Variants in CDH12 observed in about 807,000 individuals in gnomAD.
CDH12 encodes the protein cadherin 12.
CDH12 carries 41 observed loss-of-function variants against 74.1 expected under a neutral mutation model. The ratio of observed to expected loss-of-function variants is 0.55; its 90% confidence interval spans 0.43 to 0.72. The LOEUF (loss-of-function observed/expected upper bound fraction) is 0.72, where lower values mean the gene tolerates loss of function less well. Among genes scored for constraint, CDH12 ranks in the 30% least tolerant of loss-of-function variants. CDH12 has a pLI of 0.00. For synonymous variants in CDH12, 399 were observed against 355.0 expected, an observed-to-expected ratio of 1.12 and a Z score of -1.39; for missense variants, 945 against 977.2, an observed-to-expected ratio of 0.97 and a Z score of 0.44.
At chr5:21,941,231 A>T (rs1755316266) in intron 6 of CDH12, among the ~76,000 whole-genome samples, 1 of 152,192 alleles carries the variant, frequency 6.6e-6, no homozygotes, top group East Asian at 1.9e-4. Flanking sequence ...AAGCTTTAGG[A>T]TAGCAACATC....
rs373208730 is a variant in CDH12 at position 22,739,242 on chromosome 5, A to G, written c.-523+113816T>C. On this transcript the variant is annotated intron_variant, in intron 1 of 14. Transcript: ENST00000382254. ...AAAAGGAAAGAAATCATGAAAATGAATGTATTAGGGCCTATCTAATTTTGT... is the reference window on the plus strand; with the variant it reads ...AAAAGGAAAGAAATCATGAAAATGAGTGTATTAGGGCCTATCTAATTTTGT... Among the ~76,000 whole-genome samples the G allele has an allele frequency of 1.3e-4, 20 of 152,146 alleles. No individual in the cohort carries two copies. In the East Asian group the frequency reaches 3.9e-3, roughly 29 times the overall value.
chr5:22,718,544 T>A (rs1365305981), intron 1 of CDH12, among the ~76,000 whole-genome samples: 2 of 152,148 alleles, frequency 1.3e-5, no homozygotes, highest in Non-Finnish European at 2.9e-5. Context: ...CTGGGTAAGA[T>A]CCTTACTGAG....
intron 1 of CDH12, among the ~76,000 whole-genome samples, chr5:22,576,794 A>C (rs1739812662): frequency 6.6e-6 from 1 of 152,146 alleles, no homozygotes; most frequent in Non-Finnish European, 1.5e-5. Context: ...AGATACTGGA[A>C]GTGAGAATTG....
chr5:22,015,120 T>C (rs867538362), intron 5 of CDH12, among the ~76,000 whole-genome samples: 21 of 152,284 alleles, frequency 1.4e-4, no homozygotes, highest in Middle Eastern at 3.4e-3. Flanking sequence ...ACCATAATTG[T>C]GAAGCAATCA....
intron 10 of CDH12, among the ~76,000 whole-genome samples, chr5:21,785,404 T>C (rs1342589199): frequency 2.6e-5 from 4 of 152,156 alleles, no homozygotes; most frequent in Admixed American, 6.5e-5. Context: ...AAGCTGGAAA[T>C]GATTAAGCTC....
chr5:22,538,440 C>A (rs147127837), intron 1 of CDH12, among the ~76,000 whole-genome samples: 41 of 152,298 alleles, frequency 2.7e-4, no homozygotes, highest in Non-Finnish European at 4.6e-4. Context: ...TATCTTACAG[C>A]AGATAATTCT....
intron 1 of CDH12, among the ~76,000 whole-genome samples, chr5:22,640,027 A>G (rs1739064250): frequency 6.6e-6 from 1 of 152,232 alleles, no homozygotes. Flanking sequence ...AACCATATGC[A>G]GGGAGAGGAG....
chr5:21,880,015 C>G (rs1411189776), intron 6 of CDH12, among the ~76,000 whole-genome samples: 2 of 152,176 alleles, frequency 1.3e-5, no homozygotes, highest in African/African-American at 4.8e-5. Context: ...GTTCTGATGT[C>G]CTTGCTTATA....
chr5:22,316,054 G>T (rs568138809), intron 3 of CDH12, among the ~76,000 whole-genome samples: 2 of 152,108 alleles, frequency 1.3e-5, no homozygotes, highest in Non-Finnish European at 2.9e-5. Context: ...AAGAGAATGT[G>T]ACAGGGGCTG....
chr5:22,701,360 T>G (rs1050438729), intron 1 of CDH12, among the ~76,000 whole-genome samples: 2 of 152,206 alleles, frequency 1.3e-5, no homozygotes. Flanking sequence ...AGTCTTGAAA[T>G]GCTACAACCT....
At position 21,765,140 on chromosome 5, in the gene CDH12, C is replaced by T. The variant is rs753496245; in HGVS notation, c.1394-41G>A. On this transcript the variant is annotated intron_variant, in intron 11 of 14. Coordinates refer to ENST00000382254, the MANE Select transcript of CDH12 (RefSeq NM_004061.5). ...AAAGATAAAAGATGATTACAAAATC[C>T]GGTCAGTTATTGCTTCTACAATAAA... 1.8e-5 allele frequency: 26 copies of T among 1,452,688 alleles called. 1 individual carries two copies. The Admixed American group carries it at 2.7e-4, about 15-fold the overall frequency. 90.0% of individuals were successfully genotyped at this position (1,452,688 alleles called of 1,614,324 possible). A position where few individuals can be genotyped will look rare whatever the true frequency, so the allele number is the denominator to read the frequency against.
chr5:22,386,940 C>A (rs1742024771), intron 3 of CDH12, among the ~76,000 whole-genome samples: 2 of 151,868 alleles, frequency 1.3e-5, no homozygotes, highest in Admixed American at 6.6e-5. Flanking sequence ...TTATAATATA[C>A]ACATATTATT....
intron 9 of CDH12, among the ~76,000 whole-genome samples, chr5:21,805,434 A>C (rs4574508): frequency 6.6e-6 from 1 of 151,934 alleles, no homozygotes; most frequent in Non-Finnish European, 1.5e-5. Flanking sequence ...GCAGGCAAAT[A>C]TCTGGTTGTT....
chr5:22,139,649 T>G (rs1746677453), intron 4 of CDH12: 1 of 147,256 alleles, frequency 6.8e-6, no homozygotes, highest in Non-Finnish European at 1.5e-5. Context: ...GCAGTACTTA[T>G]CAACATCACA....
intron 4 of CDH12, among the ~76,000 whole-genome samples, chr5:22,200,708 C>T (rs141503568): frequency 0.018 from 2,783 of 152,244 alleles, 38 homozygotes; most frequent in Non-Finnish European, 0.026. Flanking sequence ...TTCAGAATGT[C>T]ATGAATTTAA....
At chr5:21,780,982 G>C (rs1373812219) in intron 11 of CDH12, among the ~76,000 whole-genome samples, 1 of 152,072 alleles carries the variant, frequency 6.6e-6, no homozygotes, top group African/African-American at 2.4e-5. Context: ...ATGAGGATGG[G>C]AGCCCTTCAA....
intron 5 of CDH12, among the ~76,000 whole-genome samples, chr5:22,021,639 G>A (rs1197056766): frequency 1.3e-5 from 2 of 152,170 alleles, no homozygotes; most frequent in African/African-American, 2.4e-5. Context: ...GATAAAATAT[G>A]TGAGATATTA....
intron 11 of CDH12, among the ~76,000 whole-genome samples, chr5:21,778,722 A>C (rs1372473135): frequency 6.6e-6 from 1 of 152,086 alleles, no homozygotes; most frequent in Admixed American, 6.5e-5. Flanking sequence ...TGCCCTTAAG[A>C]ATAGATATCA....
At chr5:22,842,142 G>A (rs990877621) in intron 1 of CDH12, among the ~76,000 whole-genome samples, 7 of 151,984 alleles carry the variant, frequency 4.6e-5, no homozygotes, top group Admixed American at 2.6e-4. Flanking sequence ...GTACTGCCAC[G>A]GAACCCCAAA....
Sources: gnomAD v4.1 joint callset for allele counts (sites outside exome capture counted in the v4.1 genomes callset) on GRCh38, gnomAD v4.1.1 for gene constraint, MANE v1.5 for transcripts, NCBI Gene and HGNC (gene_info 2026-07-23, HGNC 2026-07-21) for gene names.